The following CTNNA3 variants were observed in gnomAD, a reference collection of about 807,000 sequenced individuals.
The protein encoded by CTNNA3 is catenin alpha-3.
CTNNA3 carries 76 observed loss-of-function variants against 95.7 expected under a neutral mutation model. The ratio of observed to expected loss-of-function variants is 0.79; its 90% CI spans 0.66 to 0.96. CTNNA3 has a LOEUF of 0.96. CTNNA3 is among the 40% of genes least tolerant of loss of function. The probability of loss-of-function intolerance (pLI) is 0.00; values close to 1 mark genes in which losing one functional copy is unlikely to be tolerated. For synonymous variants in CTNNA3, 431 were observed against 374.4 expected (o/e 1.15, Z -1.74); for missense variants, 1,191 against 1,089.8 (o/e 1.09, Z -1.31).
At chr10:66,444,601 A>C (rs2093403469) in intron 11 of CTNNA3, among the ~76,000 whole-genome samples, 2 of 152,084 alleles carry the variant, frequency 1.3e-5, no homozygotes, top group South Asian at 4.1e-4. Flanking sequence ...GAGAAATAAA[A>C]TACTTTACAG....
chr10:67,070,449 C>T (rs1856376835), intron 7 of CTNNA3, among the ~76,000 whole-genome samples: 1 of 151,992 alleles, frequency 6.6e-6, no homozygotes, highest in Non-Finnish European at 1.5e-5. Context: ...GTTTGTGTCC[C>T]GATTAAGAAA....
In CTNNA3 at chr10:66,197,044, C is replaced by T. The variant is rs180863843; in HGVS notation, c.1884+83426G>A. On this transcript the variant is annotated intron_variant, in intron 13 of 17. Transcript: ENST00000433211. ...GTGAAGAACATAAGACAGCATGCTG[C>T]TACCCAGCTCTAGGAAACTACTACC... 2.6e-5 allele frequency among the ~76,000 whole-genome samples: 4 copies of T among 152,264 alleles called. No homozygotes were observed. The East Asian group carries it at 7.7e-4, about 29-fold the overall frequency.
chr10:66,322,059 T>C (rs183754116), intron 12 of CTNNA3, among the ~76,000 whole-genome samples: 1 of 152,252 alleles, frequency 6.6e-6, no homozygotes, highest in African/African-American at 2.4e-5. Context: ...GCTCTGCTGG[T>C]AGATAGGGCC....
chr10:67,067,388 C>T (rs1219648385), intron 7 of CTNNA3, among the ~76,000 whole-genome samples: 1 of 152,154 alleles, frequency 6.6e-6, no homozygotes, highest in Non-Finnish European at 1.5e-5. Context: ...AAATGATTTG[C>T]TCGTATTCAC....
At chr10:66,055,383 C>A (rs929689755) in intron 15 of CTNNA3, among the ~76,000 whole-genome samples, 4 of 152,052 alleles carry the variant, frequency 2.6e-5, no homozygotes, top group African/African-American at 9.7e-5. Flanking sequence ...TTTGTGTCCC[C>A]TTCAATTTCT....
chr10:66,331,338 G>GCTTGT lies in CTNNA3; in HGVS notation c.1732+47813_1732+47814insACAAG, dbSNP rs1417713676. On this transcript the variant is annotated intron_variant, in intron 12 of 17. Coordinates refer to ENST00000433211, the MANE Select transcript of CTNNA3 (RefSeq NM_013266.4). ...TTAAATATGGACTCCTTTCCCCATT[G>GCTTGT]TTTGTTTTTTTTTTTTTTTTTTTTT... 5.1e-4 allele frequency among the ~76,000 whole-genome samples: 20 copies of GCTTGT among 39,106 alleles called. 1 individual carries two copies. Among genetic ancestry groups the GCTTGT allele is most frequent in the Admixed American group, 6.4e-4 (2 of 3,122 alleles). 25.7% of individuals were successfully genotyped at this position (39,106 alleles called of 152,430 possible). A position where few individuals can be genotyped will look rare whatever the true frequency, so the allele number is the denominator to read the frequency against.
chr10:66,402,771 C>T (rs1178454274), intron 11 of CTNNA3, among the ~76,000 whole-genome samples: 1 of 152,152 alleles, frequency 6.6e-6, no homozygotes, highest in South Asian at 2.1e-4. Context: ...TTGCTTTCTG[C>T]ATAGAAACTT....
At chr10:66,101,815 T>C (rs529378350) in intron 14 of CTNNA3, among the ~76,000 whole-genome samples, 7 of 152,202 alleles carry the variant, frequency 4.6e-5, no homozygotes, top group Non-Finnish European at 1.0e-4. Context: ...TAAAATTAGA[T>C]ATTTTTCAGT....
At chr10:67,080,807 G>A (rs570847304) in intron 7 of CTNNA3, among the ~76,000 whole-genome samples, 34 of 152,052 alleles carry the variant, frequency 2.2e-4, no homozygotes, top group Non-Finnish European at 3.4e-4. Context: ...TACTCGGGAG[G>A]CTGAGGCAGG....
At chr10:67,715,926 G>T (rs981751716) in intron 1 of CTNNA3, among the ~76,000 whole-genome samples, 20 of 152,086 alleles carry the variant, frequency 1.3e-4, no homozygotes. Context: ...ACATGCAAAT[G>T]CTTACAATGT....
intron 7 of CTNNA3, among the ~76,000 whole-genome samples, chr10:66,969,496 C>A (rs1849606564): frequency 6.6e-6 from 1 of 152,050 alleles, no homozygotes; most frequent in Admixed American, 6.6e-5. Flanking sequence ...TTAATTGTAT[C>A]TTGGATTATT....
chr10:67,259,209 C>T (rs895657019), intron 5 of CTNNA3, among the ~76,000 whole-genome samples: 16 of 152,094 alleles, frequency 1.1e-4, no homozygotes, highest in African/African-American at 1.7e-4. Context: ...AACACAAGTT[C>T]CCAGTCTGCA....
At chr10:67,081,827 C>T (rs1857074629) in intron 7 of CTNNA3, among the ~76,000 whole-genome samples, 1 of 152,164 alleles carries the variant, frequency 6.6e-6, no homozygotes, top group Non-Finnish European at 1.5e-5. Context: ...TTTCCTGATC[C>T]TAGCCCAGCA....
At chr10:66,367,874 AATAATAATTATTATTATTATTATT>A (rs1195427411) in intron 12 of CTNNA3, among the ~76,000 whole-genome samples, 2,761 of 42,866 alleles carry the variant, frequency 0.064, 72 homozygotes, top group East Asian at 0.15. Flanking sequence ...TAATAATAAT[AATAATAATTATTATTATTATTATT>A]ATTATTATTA....
chr10:67,705,263 C>T (rs1841070980), intron 1 of CTNNA3, among the ~76,000 whole-genome samples: 1 of 152,068 alleles, frequency 6.6e-6, no homozygotes, highest in African/African-American at 2.4e-5. Flanking sequence ...TTTGACCCAG[C>T]CATCCCATTA....
intron 7 of CTNNA3, among the ~76,000 whole-genome samples, chr10:66,984,216 A>G (rs1326928049): frequency 6.6e-6 from 1 of 152,206 alleles, no homozygotes; most frequent in Non-Finnish European, 1.5e-5. Flanking sequence ...TCAACGAATG[A>G]TGACGTTCTT....
intron 5 of CTNNA3, among the ~76,000 whole-genome samples, chr10:67,238,721 TCTTTA>T (rs72345087): frequency 0.094 from 14,276 of 152,170 alleles, 713 homozygotes; most frequent in East Asian, 0.14. Flanking sequence ...TTAATGGGCT[TCTTTA>T]CTTAAATCTG....
chr10:66,823,761 G>C (rs999379467), intron 7 of CTNNA3, among the ~76,000 whole-genome samples: 2 of 152,226 alleles, frequency 1.3e-5, no homozygotes, highest in Non-Finnish European at 1.5e-5. Context: ...AATTTAGGAA[G>C]TAGATATTAT....
chr10:66,776,923 A>G (rs1167885298), intron 7 of CTNNA3, among the ~76,000 whole-genome samples: 1 of 152,178 alleles, frequency 6.6e-6, no homozygotes, highest in Non-Finnish European at 1.5e-5. Context: ...GGACTTATCA[A>G]ATAGAGTTGA....
Sources: allele counts gnomAD v4.1 joint callset (sites outside exome capture counted in the v4.1 genomes callset), GRCh38; gene constraint gnomAD v4.1.1; transcripts MANE v1.5; gene names NCBI Gene and HGNC (gene_info 2026-07-23, HGNC 2026-07-21).